The following LRRC4C variants were observed in gnomAD, a reference collection of about 807,000 sequenced individuals.
LRRC4C encodes leucine rich repeat containing 4C.
A neutral mutation model predicts 33.6 loss-of-function variants in LRRC4C; 5 were observed. The ratio of observed to expected loss-of-function variants is 0.15; its 90% confidence interval spans 0.08 to 0.31. The LOEUF (loss-of-function observed/expected upper bound fraction) is 0.31, where lower values mean the gene tolerates loss of function less well. Among genes scored for constraint, LRRC4C ranks in the 10% least tolerant of loss-of-function variants. The probability of loss-of-function intolerance (pLI) is 1.00; values close to 1 mark genes in which losing one functional copy is unlikely to be tolerated. For missense variants in LRRC4C, 560 were observed against 796.7 expected (o/e 0.70, Z 3.58); for synonymous variants, 329 against 302.0 (o/e 1.09, Z -0.93).
At position 40,355,725 on chromosome 11, in the gene LRRC4C, T is replaced by C. The variant is rs1947627057; in HGVS notation, c.-269-36004A>G. On this transcript the variant is annotated intron_variant, in intron 3 of 6. Transcript: ENST00000528697. ...AGGGGTGGTATAGGCAATTCAAGAC[T>C]TTCTTTCCTACTCTCCTCAGTGCCT... 3.3e-5 allele frequency among the ~76,000 whole-genome samples: 5 copies of C among 152,240 alleles called. No individual in the cohort carries two copies. The South Asian group carries it at 1.0e-3, about 32-fold the overall frequency.
intron 1 of LRRC4C, among the ~76,000 whole-genome samples, chr11:41,432,408 T>G (rs966402188): frequency 6.6e-6 from 1 of 152,144 alleles, no homozygotes; most frequent in Non-Finnish European, 1.5e-5. Context: ...GAGTAGAAGC[T>G]GACAAATCTA....
chr11:40,899,365 T>A (rs1056098974), intron 2 of LRRC4C, among the ~76,000 whole-genome samples: 1 of 152,174 alleles, frequency 6.6e-6, no homozygotes, highest in Non-Finnish European at 1.5e-5. Context: ...CCGTGACCCT[T>A]CGTGTCCATC....
At chr11:40,749,791 T>C (rs1948595525) in intron 2 of LRRC4C, among the ~76,000 whole-genome samples, 1 of 152,036 alleles carries the variant, frequency 6.6e-6, no homozygotes, top group African/African-American at 2.4e-5. Context: ...TCACAACTGA[T>C]GTCAAGGAGA....
At chr11:41,089,843 A>G (rs1940275782) in intron 1 of LRRC4C, among the ~76,000 whole-genome samples, 1 of 152,068 alleles carries the variant, frequency 6.6e-6, no homozygotes, top group African/African-American at 2.4e-5. Flanking sequence ...GTCTTTAAAG[A>G]AAAATATAGA....
chr11:40,288,601 C>T (rs186712698), intron 4 of LRRC4C, among the ~76,000 whole-genome samples: 1 of 152,292 alleles, frequency 6.6e-6, no homozygotes, highest in East Asian at 1.9e-4. Context: ...TGACTGCCTG[C>T]CTCAGAAAAC....
intron 1 of LRRC4C, among the ~76,000 whole-genome samples, chr11:41,241,813 G>T (rs1948261449): frequency 6.6e-6 from 1 of 152,102 alleles, no homozygotes; most frequent in African/African-American, 2.4e-5. Context: ...GTTAGAAATG[G>T]TTTCTTTTCT....
At chr11:41,364,263 T>C (rs1323270975) in intron 1 of LRRC4C, among the ~76,000 whole-genome samples, 1 of 152,192 alleles carries the variant, frequency 6.6e-6, no homozygotes, top group African/African-American at 2.4e-5. Context: ...GCAAAATTTT[T>C]TAAAGCTGAA....
At chr11:40,288,922 T>C (rs1944016708) in intron 4 of LRRC4C, among the ~76,000 whole-genome samples, 1 of 152,192 alleles carries the variant, frequency 6.6e-6, no homozygotes, top group South Asian at 2.1e-4. Flanking sequence ...ACCAGAAATC[T>C]CTTATTCAAC....
chr11:40,473,302 A>G (rs540622796), intron 3 of LRRC4C, among the ~76,000 whole-genome samples: 1 of 152,188 alleles, frequency 6.6e-6, no homozygotes, highest in Non-Finnish European at 1.5e-5. Context: ...TTCAACATAC[A>G]TAAATCGATA....
intron 2 of LRRC4C, among the ~76,000 whole-genome samples, chr11:40,706,153 G>A (rs1349236657): frequency 2.0e-5 from 3 of 151,968 alleles, no homozygotes; most frequent in Non-Finnish European, 4.4e-5. Context: ...CTCCCATTCT[G>A]TAGGTTGCCT....
intron 6 of LRRC4C, among the ~76,000 whole-genome samples, chr11:40,126,914 G>A (rs932650966): frequency 6.6e-6 from 1 of 151,328 alleles, no homozygotes; most frequent in Non-Finnish European, 1.5e-5. Flanking sequence ...GAGCTGAGAT[G>A]GCACCATTGC....
At position 41,071,166 on chromosome 11, in the gene LRRC4C, C is replaced by T. The variant is rs138507820; in HGVS notation, c.-495-137443G>A. Among the ~76,000 whole-genome samples the T allele has an allele frequency of 2.2e-3, 337 of 152,198 alleles. 2 individuals carry two copies. Among genetic ancestry groups the T allele is most frequent in the African/African-American group, 7.3e-3 (305 of 41,522 alleles). On this transcript the variant is annotated intron_variant, in intron 1 of 6. Coordinates refer to ENST00000528697, the MANE Select transcript of LRRC4C (RefSeq NM_001258419.2). ...TAACAGAGTAACAGAAAACCAAACA[C>T]CACATGTTCTCACTCATGTTAGAGT...
chr11:40,876,967 T>C (rs372092185), intron 2 of LRRC4C, among the ~76,000 whole-genome samples: 119 of 151,650 alleles, frequency 7.8e-4, no homozygotes, highest in African/African-American at 2.7e-3. Context: ...TGGCCAGTGA[T>C]CTACCTTTAG....
At chr11:40,433,172 A>G (rs1440680438) in intron 3 of LRRC4C, among the ~76,000 whole-genome samples, 1 of 152,198 alleles carries the variant, frequency 6.6e-6, no homozygotes, top group Non-Finnish European at 1.5e-5. Context: ...AATAGCATTT[A>G]GGTTATAAAG....
At chr11:40,619,399 T>TC in intron 3 of LRRC4C, among the ~76,000 whole-genome samples, 1 of 151,668 alleles carries the variant, frequency 6.6e-6, no homozygotes, top group Non-Finnish European at 1.5e-5. Flanking sequence ...TACCAAAACA[T>TC]TCATGTACCC....
chr11:41,127,407 A>G (rs957480642), intron 1 of LRRC4C, among the ~76,000 whole-genome samples: 7 of 152,086 alleles, frequency 4.6e-5, no homozygotes, highest in Admixed American at 2.6e-4. Flanking sequence ...CAAACGAAAG[A>G]ATATGGAAGT....
At chr11:40,576,539 C>T (rs1412255498) in intron 3 of LRRC4C, among the ~76,000 whole-genome samples, 2 of 152,164 alleles carry the variant, frequency 1.3e-5, no homozygotes, top group South Asian at 2.1e-4. Flanking sequence ...TCACTTACAT[C>T]GTCTGAGGTT....
intron 2 of LRRC4C, among the ~76,000 whole-genome samples, chr11:40,659,137 T>A (rs1025689598): frequency 1.3e-5 from 2 of 152,196 alleles, no homozygotes; most frequent in Admixed American, 6.5e-5. Flanking sequence ...CCTCTCCCTG[T>A]TCCTGGCACC....
chr11:40,220,570 T>C (rs1864330205), intron 5 of LRRC4C, among the ~76,000 whole-genome samples: 1 of 152,180 alleles, frequency 6.6e-6, no homozygotes, highest in African/African-American at 2.4e-5. Flanking sequence ...CTGTACAGAA[T>C]CATGTAAAAT....
Sources: allele counts gnomAD v4.1 joint callset (sites outside exome capture counted in the v4.1 genomes callset), GRCh38; gene constraint gnomAD v4.1.1; transcripts MANE v1.5; gene names NCBI Gene and HGNC (gene_info 2026-07-23, HGNC 2026-07-21).